The following ST14 variants were observed in gnomAD, a reference collection of about 807,000 sequenced individuals.
ST14 encodes ST14 transmembrane serine protease matriptase.
A neutral mutation model predicts 96.5 loss-of-function variants in ST14; 40 were observed. The observed-to-expected ratio is 0.41, with a 90% CI of 0.32 to 0.54. The LOEUF is 0.54. Ranked by LOEUF, ST14 falls within the 20% of genes least tolerant of loss-of-function variation. ST14 has a pLI of 0.17. For synonymous variants in ST14, 506 were observed against 492.1 expected (o/e 1.03, Z -0.37); for missense variants, 1,066 against 1,188.9 (o/e 0.90, Z 1.52).
At chr11:130,200,296 T>C (rs1953414584) in intron 16 of ST14, among the ~76,000 whole-genome samples, 159 bp downstream of exon 16, 1 of 152,184 alleles carries the variant, frequency 6.6e-6, no homozygotes, top group Admixed American at 6.5e-5. Context: ...GACTGGGTCA[T>C]TTATAAAGAA....
intron 1 of ST14, among the ~76,000 whole-genome samples, chr11:130,172,095 GTTTTGTTT>G (rs1953097049): frequency 6.6e-6 from 1 of 151,850 alleles, no homozygotes; most frequent in Non-Finnish European, 1.5e-5. Flanking sequence ...CTTTTCTCTT[GTTTTGTTT>G]TTTTGTTTCT....
intron 16 of ST14, among the ~76,000 whole-genome samples, chr11:130,206,506 C>A (rs536796048): frequency 3.3e-5 from 5 of 152,100 alleles, no homozygotes; most frequent in Non-Finnish European, 5.9e-5. Flanking sequence ...CCTTATTGTA[C>A]CGTTTCTTCA....
At chr11:130,173,582 C>T (rs997467570) in intron 1 of ST14, among the ~76,000 whole-genome samples, 19 of 147,746 alleles carry the variant, frequency 1.3e-4, no homozygotes, top group Admixed American at 2.7e-4. Context: ...CGTGACAGAG[C>T]GAGACTCTGT....
intron 1 of ST14, among the ~76,000 whole-genome samples, chr11:130,183,362 G>C (rs987703668): frequency 3.9e-5 from 6 of 152,192 alleles, no homozygotes; most frequent in South Asian, 4.1e-4. Context: ...GAGGCCACCA[G>C]ATGTCTAAAG....
At chr11:130,189,239 T>C in intron 4 of ST14, 1 of 533,046 alleles carries the variant, frequency 1.9e-6, no homozygotes. Flanking sequence ...TATGGGGGAG[T>C]TGGGGTACTC....
In ST14 at chr11:130,191,516, C is replaced by G. The variant is rs368909246; in HGVS notation, c.875+822C>G. ...ACCAGTCAAGCCAACCTGGTGAAAC[C>G]CTGTCTCTACTAAAAATACAAAAAT... On this transcript the variant is annotated intron_variant, in intron 7 of 18. Coordinates refer to ENST00000278742, the MANE Select transcript of ST14 (RefSeq NM_021978.4). Among the ~76,000 whole-genome samples, 177 of 151,372 alleles carry G rather than the reference C, an allele frequency of 1.2e-3. 1 individual carries two copies. Among genetic ancestry groups the G allele is most frequent in the African/African-American group, 4.1e-3 (170 of 41,222 alleles).
At chr11:130,209,296 C>G in intron 17 of ST14, 146 bp from the exon 18 acceptor site, 1 of 1,093,284 alleles carries the variant, frequency 9.1e-7, no homozygotes, top group Non-Finnish European at 1.3e-6. Flanking sequence ...CCAGAGCCCA[C>G]TGAGTAGACG....
rs1245940583 is a variant in ST14 at position 130,190,689 on chromosome 11, G to C, written c.870G>C (p.Leu290=). 1 of 1,583,142 alleles carries C rather than the reference G, an allele frequency of 6.3e-7. No individual in the cohort carries two copies. The highest frequency in any genetic ancestry group is 1.8e-5 in the Admixed American group (1 of 55,592). ...NTLSPMEPHA[L]VQLCGTYPPS... Reference sequence around the variant, plus strand: ...TGAGCCCCATGGAGCCCCACGCCCTGGTGCAGTGAGTACCCCGGGGGGCGG... The same window carrying C: ...TGAGCCCCATGGAGCCCCACGCCCTCGTGCAGTGAGTACCCCGGGGGGCGG... Residue 290 remains leucine, a synonymous_variant, in exon 7 of 19, where the codon CTG becomes CTC. Transcript: ENST00000278742.
chr11:130,199,184 G>A lies in ST14; in HGVS notation c.1807+115G>A, dbSNP rs990786055. ...CACCTCACTTAGCAGCTCTGTGCTT[G>A]GGTGAGAGGGTGTGTCTCCTGGAGG... On this transcript the variant is annotated intron_variant, in intron 15 of 18. Transcript: ENST00000278742. 25 of 1,141,540 alleles carry A rather than the reference G, an allele frequency of 2.2e-5. No homozygotes were observed. The Admixed American group carries it at 4.6e-4, about 21-fold the overall frequency. 70.7% of individuals were successfully genotyped at this position (1,141,540 alleles called of 1,614,324 possible). A position where few individuals can be genotyped will look rare whatever the true frequency, so the allele number is the denominator to read the frequency against.
At chr11:130,173,548 A>G (rs1475883606) in intron 1 of ST14, among the ~76,000 whole-genome samples, 2 of 151,336 alleles carry the variant, frequency 1.3e-5, no homozygotes, top group African/African-American at 2.4e-5. Context: ...GTGAGCTAAG[A>G]TGGTGCCACT....
chr11:130,205,539 G>A (rs1786145), intron 16 of ST14, among the ~76,000 whole-genome samples: 93,077 of 151,846 alleles, frequency 0.61, 28,982 homozygotes, highest in South Asian at 0.75. Context: ...TCCCAACTGG[G>A]GGCAGCCATT....
intron 16 of ST14, among the ~76,000 whole-genome samples, chr11:130,202,505 G>A (rs1212796918): frequency 6.6e-6 from 1 of 152,186 alleles, no homozygotes; most frequent in Admixed American, 6.5e-5. Context: ...TGACTGTTGG[G>A]AACACTCAAC....
chr11:130,209,925 C>T lies in ST14; in HGVS notation c.*102C>T, dbSNP rs946931991. The stretch of plus-strand genomic sequence containing the variant: ...GACTGGACCGCTGACTGCACCAGCG[C>T]CCCCAGAACATACACTGTGAACTCA... On this transcript the variant is annotated 3_prime_UTR_variant, in exon 19 of 19. Transcript: ENST00000278742. 70 of 1,408,820 alleles carry T rather than the reference C, an allele frequency of 5.0e-5. No homozygotes were observed. Among genetic ancestry groups the T allele is most frequent in the South Asian group, 9.8e-5 (8 of 81,962 alleles). The allele number at this position is 1,408,820 out of a possible 1,614,324, so 87.3% of individuals were successfully genotyped here. A position where few individuals can be genotyped will look rare whatever the true frequency, so the allele number is the denominator to read the frequency against.
At chr11:130,167,595 G>A (rs557842538) in intron 1 of ST14, among the ~76,000 whole-genome samples, 49 of 152,308 alleles carry the variant, frequency 3.2e-4, no homozygotes, top group African/African-American at 1.1e-3. Context: ...CTAGATTTGT[G>A]GAGCAAGACA....
rs1953191535 is a variant in ST14, at chr11:130,181,372, G to C, written c.82-6742G>C. On this transcript the variant is annotated intron_variant, in intron 1 of 18. Transcript: ENST00000278742. The surrounding 1 kb of genome is among the most constrained non-coding windows in gnomAD (Gnocchi z 4.1). ...GCCGAGCTGTGTTTCTGGGTCCTTT[G>C]GCCAGGATCTAACTACAGTGGGCCA... Among the ~76,000 whole-genome samples, 1 of 152,138 alleles carries C rather than the reference G, an allele frequency of 6.6e-6. No homozygotes were observed. The highest frequency in any genetic ancestry group is 1.5e-5 in the Non-Finnish European group (1 of 68,018).
At chr11:130,191,596 G>A (rs1037264803) in intron 7 of ST14, among the ~76,000 whole-genome samples, 7 of 151,678 alleles carry the variant, frequency 4.6e-5, no homozygotes, top group East Asian at 1.9e-4. Context: ...AGGCCAAGGC[G>A]GGAGAATCAC....
At chr11:130,177,740 G>A (rs1953154329) in intron 1 of ST14, among the ~76,000 whole-genome samples, 1 of 152,228 alleles carries the variant, frequency 6.6e-6, no homozygotes, top group African/African-American at 2.4e-5. Flanking sequence ...TCCTCAGGGA[G>A]CTAGACTTTC....
At chr11:130,174,772 T>C (rs1169125784) in intron 1 of ST14, among the ~76,000 whole-genome samples, 1 of 152,172 alleles carries the variant, frequency 6.6e-6, no homozygotes. Flanking sequence ...CTGTCACTGG[T>C]GATAAGCACC....
At chr11:130,179,685 G>A (rs1236697786) in intron 1 of ST14, among the ~76,000 whole-genome samples, 1 of 152,200 alleles carries the variant, frequency 6.6e-6, no homozygotes, top group Non-Finnish European at 1.5e-5. Context: ...TTTATGAACA[G>A]CAGCCTGATG....
Sources: allele counts gnomAD v4.1 joint callset (sites outside exome capture counted in the v4.1 genomes callset), GRCh38; gene constraint gnomAD v4.1.1; non-coding constraint Gnocchi (gnomAD v3.1); transcripts MANE v1.5; gene names NCBI Gene and HGNC (gene_info 2026-07-23, HGNC 2026-07-21).